CLASP1: variants seen among roughly 807,000 people sequenced by gnomAD.
The protein encoded by CLASP1 is CLIP-associating protein 1.
In CLASP1, 38 loss-of-function variants were observed where a neutral mutation model predicts 192.3. The observed-to-expected ratio is 0.20, with a 90% CI of 0.15 to 0.26. CLASP1 has a LOEUF of 0.26. Ranked by LOEUF, CLASP1 falls within the 10% of genes least tolerant of loss-of-function variation. The probability of loss-of-function intolerance (pLI) is 1.00; values close to 1 mark genes in which losing one functional copy is unlikely to be tolerated. For synonymous variants in CLASP1, 691 were observed against 712.8 expected (o/e 0.97, Z 0.49); for missense variants, 1,433 against 1,932.5 (o/e 0.74, Z 4.85).
At chr2:121,338,420 G>A (rs1301637252) in exon 40 of CLASP1, 1 of 152,364 alleles carries the variant, frequency 6.6e-6, no homozygotes, top group Admixed American at 6.5e-5. Context: ...GGAGCAGCGG[G>A]GGTCTTGGGC....
intron 23 of CLASP1, among the ~76,000 whole-genome samples, chr2:121,414,593 G>T (rs2078249781): frequency 6.6e-6 from 1 of 152,130 alleles, no homozygotes; most frequent in Non-Finnish European, 1.5e-5. Context: ...CAGTAAGACG[G>T]ATTGTTAGCT....
At chr2:121,463,690 A>G (rs1575104026) in intron 9 of CLASP1, among the ~76,000 whole-genome samples, 1 of 152,122 alleles carries the variant, frequency 6.6e-6, no homozygotes, top group Non-Finnish European at 1.5e-5. Flanking sequence ...GAAATTCATG[A>G]CTATGGCATT....
At chr2:121,361,365 T>G (rs1425381268) in intron 37 of CLASP1, among the ~76,000 whole-genome samples, 1 of 152,222 alleles carries the variant, frequency 6.6e-6, no homozygotes, top group African/African-American at 2.4e-5. Context: ...TTTAATTTCA[T>G]TTTTTGATCA....
At chr2:121,496,020 C>T (rs76986513) in intron 8 of CLASP1, among the ~76,000 whole-genome samples, 21 of 152,330 alleles carry the variant, frequency 1.4e-4, no homozygotes, top group African/African-American at 4.3e-4. Flanking sequence ...GGCACAGACG[C>T]CTTTCCTAAG....
rs2094766134 is a variant in CLASP1 at position 121,530,755 on chromosome 2, C to G, written c.196-430G>C. On this transcript the variant is annotated intron_variant, in intron 2 of 39. Transcript: ENST00000263710. ...AGAAAACAAAGAATTGGGGTGTCGT[C>G]GAAAGCTGTGGAGGCTGGAGGTAAG... The G allele has an allele frequency of 7.6e-6, 4 of 527,214 alleles. No homozygotes were observed. In the South Asian group the frequency reaches 1.1e-4, roughly 14 times the overall value. The allele number at this position is 527,214 out of a possible 1,614,324, so 32.7% of individuals were successfully genotyped here.
In CLASP1 at chr2:121,512,040, C is replaced by T. The variant is rs561324742; in HGVS notation, c.644+3625G>A. 6.6e-5 allele frequency among the ~76,000 whole-genome samples: 10 copies of T among 152,182 alleles called. No individual in the cohort carries two copies. The South Asian group carries it at 8.3e-4, about 13-fold the overall frequency. On this transcript the variant is annotated intron_variant, in intron 7 of 39. Coordinates refer to ENST00000263710, the Ensembl canonical transcript of CLASP1. ...TATAAATTTTAAAATAGATAGCAAA[C>T]GAGTAAATATTATGAAATGTGTTTT...
chr2:121,571,682 T>C (rs960428263), intron 2 of CLASP1, among the ~76,000 whole-genome samples: 3 of 152,078 alleles, frequency 2.0e-5, no homozygotes, highest in South Asian at 2.1e-4. Flanking sequence ...TCTTCAATCA[T>C]GAAAAGAAGT....
At chr2:121,347,243 TCA>T in intron 38 of CLASP1, 89 bp from the exon 40 acceptor site, 1 of 884,216 alleles carries the variant, frequency 1.1e-6, no homozygotes, top group Non-Finnish European at 1.8e-6. Context: ...ACAAATGCCC[TCA>T]GAGTTCAACC....
intron 8 of CLASP1, 97 bp downstream of exon 8, chr2:121,503,070 T>C (rs1478099485): frequency 3.9e-6 from 3 of 765,844 alleles, no homozygotes; most frequent in South Asian, 3.6e-5. Flanking sequence ...ACTTAGAAAC[T>C]CTTACTAAAT....
At chr2:121,539,654 T>C (rs971724511) in intron 2 of CLASP1, among the ~76,000 whole-genome samples, 3 of 152,160 alleles carry the variant, frequency 2.0e-5, no homozygotes, top group Admixed American at 2.0e-4. Context: ...AATTAAGAAC[T>C]TTGGCATATC....
At chr2:121,440,804 T>A (rs2083198457) in intron 19 of CLASP1, among the ~76,000 whole-genome samples, 2 of 140,616 alleles carry the variant, frequency 1.4e-5, no homozygotes, top group Non-Finnish European at 1.5e-5. Flanking sequence ...GAAAAAAAAG[T>A]CAGCACAAGT....
At chr2:121,637,246 T>G (rs1408004580) in intron 1 of CLASP1, among the ~76,000 whole-genome samples, 1 of 152,094 alleles carries the variant, frequency 6.6e-6, no homozygotes. Context: ...TCTCCTGTTT[T>G]GAGGGAAGAA....
chr2:121,462,033 C>T lies in CLASP1; in HGVS notation c.939+499G>A, dbSNP rs1439398625. ...GAGGAAAAGTATTAGTCTCAATCAG[C>T]AACAGACGATACTAAGGCACAAAGC... On this transcript the variant is annotated intron_variant, in intron 10 of 39. Transcript: ENST00000263710. Among the ~76,000 whole-genome samples the T allele has an allele frequency of 2.0e-5, 3 of 152,028 alleles. No homozygotes were observed. The East Asian group carries it at 5.8e-4, about 29-fold the overall frequency.
intron 6 of CLASP1, among the ~76,000 whole-genome samples, chr2:121,518,688 T>C (rs1264798852): frequency 1.3e-5 from 2 of 150,940 alleles, no homozygotes; most frequent in Non-Finnish European, 2.9e-5. Context: ...GCCAACATGG[T>C]GAAACCCCGT....
rs757387857 is a variant in CLASP1, at chr2:121,530,961, C to T, written c.196-636G>A. The T allele has an allele frequency of 5.4e-5, 38 of 700,390 alleles. No homozygotes were observed. The highest frequency in any genetic ancestry group is 8.1e-5 in the Non-Finnish European group (31 of 384,812). The allele number at this position is 700,390 out of a possible 1,614,324, so 43.4% of individuals were successfully genotyped here. ...ACTGCTAACGCCTGAACAACACACCCGCATCAACTAGAGCTTTTGCTTTAT... is the reference window on the plus strand; with the variant it reads ...ACTGCTAACGCCTGAACAACACACCTGCATCAACTAGAGCTTTTGCTTTAT... On this transcript the variant is annotated intron_variant, in intron 2 of 39. Coordinates refer to ENST00000263710, the Ensembl canonical transcript of CLASP1.
chr2:121,610,446 G>A (rs567053595), intron 1 of CLASP1, among the ~76,000 whole-genome samples: 1 of 149,184 alleles, frequency 6.7e-6, no homozygotes, highest in East Asian at 2.0e-4. Context: ...AGTTACAGGA[G>A]GAAGAGGAAC....
chr2:121,516,750 C>T (rs753019118), intron 6 of CLASP1, among the ~76,000 whole-genome samples: 9 of 152,172 alleles, frequency 5.9e-5, no homozygotes, highest in South Asian at 2.1e-4. Context: ...CATCATAAGC[C>T]GGGCGTGGTG....
chr2:121,589,128 G>C (rs1559697686), intron 2 of CLASP1, among the ~76,000 whole-genome samples: 1 of 152,158 alleles, frequency 6.6e-6, no homozygotes, highest in African/African-American at 2.4e-5. Flanking sequence ...TCGCCACCAA[G>C]TCCCCAGTGC....
At chr2:121,434,664 CAA>C (rs1398297628) in intron 19 of CLASP1, among the ~76,000 whole-genome samples, 2 of 152,124 alleles carry the variant, frequency 1.3e-5, no homozygotes, top group Non-Finnish European at 2.9e-5. Context: ...TGACATTTTT[CAA>C]AAGTTTGCCT....
Sources: allele counts gnomAD v4.1 joint callset (sites outside exome capture counted in the v4.1 genomes callset), GRCh38; gene constraint gnomAD v4.1.1; transcripts MANE v1.5; gene names NCBI Gene and HGNC (gene_info 2026-07-23, HGNC 2026-07-21).